Variants in VRK2 observed in about 807,000 individuals in gnomAD.
VRK2 encodes VRK serine/threonine kinase 2.
VRK2 carries 60 observed loss-of-function variants against 57.6 expected under a neutral mutation model. The observed-to-expected ratio is 1.04, with a 90% CI of 0.85 to 1.29. The LOEUF is 1.29. VRK2 is among the 50% of genes most tolerant of loss of function. VRK2 has a pLI of 0.00. For synonymous variants in VRK2, 231 were observed against 199.2 expected, an observed-to-expected ratio of 1.16 and a Z score of -1.35; for missense variants, 705 against 588.1, an observed-to-expected ratio of 1.20 and a Z score of -2.06.
chr2:58,078,107 T>G (rs992863601), intron 2 of VRK2, among the ~76,000 whole-genome samples: 1 of 152,136 alleles, frequency 6.6e-6, no homozygotes, highest in African/African-American at 2.4e-5. Flanking sequence ...TGTTCCCATT[T>G]TGCAGTACTG....
chr2:57,952,102 T>C (rs554861268), intron 1 of VRK2, among the ~76,000 whole-genome samples: 22 of 151,718 alleles, frequency 1.5e-4, no homozygotes, highest in Non-Finnish European at 3.1e-4. Flanking sequence ...ATTTATACCT[T>C]AATTTATATT....
intron 2 of VRK2, among the ~76,000 whole-genome samples, chr2:58,028,904 A>ATATATATATATATG (rs1674025980): frequency 2.8e-4 from 4 of 14,036 alleles, no homozygotes; most frequent in Admixed American, 7.7e-4. Context: ...AAATAAATAA[A>ATATATATATATATG]TATATATATA....
intron 10 of VRK2, among the ~76,000 whole-genome samples, chr2:58,135,874 T>C (rs1020788495): frequency 5.9e-5 from 9 of 152,222 alleles, no homozygotes; most frequent in African/African-American, 2.2e-4. Context: ...AATTTAACAA[T>C]TGAGTTAGAC....
intron 12 of VRK2, among the ~76,000 whole-genome samples, chr2:58,158,522 AATG>A (rs1684377235): frequency 6.6e-6 from 1 of 152,046 alleles, no homozygotes. Flanking sequence ...CTATTCTGAG[AATG>A]ATGGACAGTG....
chr2:57,969,280 A>G (rs540321541), intron 1 of VRK2, among the ~76,000 whole-genome samples: 12 of 152,252 alleles, frequency 7.9e-5, no homozygotes, highest in African/African-American at 2.9e-4. Context: ...AACATATACA[A>G]TTTTCATCTT....
intron 1 of VRK2, among the ~76,000 whole-genome samples, chr2:57,969,960 T>TC (rs1380035526): frequency 1.3e-5 from 2 of 151,244 alleles, no homozygotes; most frequent in Admixed American, 6.6e-5. Context: ...AGTTTCAGTT[T>TC]CCCCCCCGTA....
intron 1 of VRK2, among the ~76,000 whole-genome samples, chr2:57,977,805 G>A (rs1672296171): frequency 6.6e-6 from 1 of 151,100 alleles, no homozygotes; most frequent in Non-Finnish European, 1.5e-5. Context: ...TGGTTTTCAG[G>A]TGGAATGATT....
chr2:57,963,420 T>G (rs1451109437), intron 1 of VRK2, among the ~76,000 whole-genome samples: 2 of 152,218 alleles, frequency 1.3e-5, no homozygotes, highest in East Asian at 1.9e-4. Context: ...TATATTTCTT[T>G]TACCATGTTC....
At chr2:58,045,095 A>C (rs1018638066), upstream of VRK2, among the ~76,000 whole-genome samples, 1 of 152,238 alleles carries the variant, frequency 6.6e-6, no homozygotes, top group African/African-American at 2.4e-5. Flanking sequence ...AGTAAATTGG[A>C]ATAACACTGA....
intron 3 of VRK2, 65 bp downstream of exon 3, chr2:58,084,203 T>C: frequency 1.3e-6 from 2 of 1,507,824 alleles, no homozygotes; most frequent in Admixed American, 3.7e-5. Context: ...GCTTTAAGAA[T>C]GTTTTTCACG....
At chr2:57,924,267 C>T (rs1338703690) in intron 1 of VRK2, among the ~76,000 whole-genome samples, 9 of 151,818 alleles carry the variant, frequency 5.9e-5, no homozygotes, top group Admixed American at 5.3e-4. Context: ...AGAAAGTCAT[C>T]GGTATTTTGA....
At chr2:58,076,001 T>C (rs1670049379) in intron 2 of VRK2, among the ~76,000 whole-genome samples, 1 of 152,038 alleles carries the variant, frequency 6.6e-6, no homozygotes, top group Non-Finnish European at 1.5e-5. Flanking sequence ...GTTTTTTTCT[T>C]TTTTCTCCCC....
chr2:57,976,386 A>C (rs1186351358), intron 1 of VRK2, among the ~76,000 whole-genome samples: 1 of 152,160 alleles, frequency 6.6e-6, no homozygotes, highest in African/African-American at 2.4e-5. Context: ...GCAGAGTATA[A>C]GTATTCCCTT....
chr2:57,975,442 T>C (rs1672220219), intron 1 of VRK2, among the ~76,000 whole-genome samples: 1 of 152,116 alleles, frequency 6.6e-6, no homozygotes, highest in Non-Finnish European at 1.5e-5. Context: ...AACACAAATG[T>C]ATTATCTTGA....
chr2:57,925,856 G>C (rs1434863569), intron 1 of VRK2, among the ~76,000 whole-genome samples: 1 of 151,620 alleles, frequency 6.6e-6, no homozygotes, highest in South Asian at 2.1e-4. Context: ...TCTTGATATA[G>C]ATGTGTATAG....
intron 2 of VRK2, among the ~76,000 whole-genome samples, chr2:58,049,194 G>A (rs1008367587): frequency 2.0e-5 from 3 of 152,052 alleles, no homozygotes; most frequent in Admixed American, 6.5e-5. Flanking sequence ...AGTCTTTTTA[G>A]AGCATAATTA....
chr2:57,966,386 G>C (rs890986873), intron 1 of VRK2, among the ~76,000 whole-genome samples: 7 of 152,164 alleles, frequency 4.6e-5, no homozygotes, highest in Admixed American at 3.9e-4. Context: ...TCAGTATCAT[G>C]AGACAGGTAA....
chr2:57,967,881 G>A (rs1331440780), intron 1 of VRK2, among the ~76,000 whole-genome samples: 1 of 152,058 alleles, frequency 6.6e-6, no homozygotes, highest in Non-Finnish European at 1.5e-5. Flanking sequence ...ACCACAGGGA[G>A]CAAGACGTTT....
chr2:57,974,840 C>G (rs907340709), intron 1 of VRK2, among the ~76,000 whole-genome samples: 1 of 151,414 alleles, frequency 6.6e-6, no homozygotes, highest in African/African-American at 2.4e-5. Flanking sequence ...AACAGCCAAC[C>G]CTTACTTGAT....
Sources: allele counts gnomAD v4.1 joint callset (sites outside exome capture counted in the v4.1 genomes callset), GRCh38; gene constraint gnomAD v4.1.1; transcripts MANE v1.5; gene names NCBI Gene and HGNC (gene_info 2026-07-23, HGNC 2026-07-21).